Variants in PARD3B observed in about 807,000 individuals in gnomAD.
PARD3B encodes the protein partitioning defective 3 homolog B.
A neutral mutation model predicts 130.2 loss-of-function variants in PARD3B; 103 were observed. The observed-to-expected ratio is 0.79, with a 90% confidence interval of 0.67 to 0.93. The LOEUF (loss-of-function observed/expected upper bound fraction) is 0.93, where lower values mean the gene tolerates loss of function less well. PARD3B is among the 40% of genes least tolerant of loss of function. The probability of loss-of-function intolerance (pLI) is 0.00; values close to 1 mark genes in which losing one functional copy is unlikely to be tolerated. For synonymous variants in PARD3B, 583 were observed against 553.2 expected (o/e 1.05, Z -0.76); for missense variants, 1,609 against 1,499.2 (o/e 1.07, Z -1.21).
chr2:204,611,861 T>G lies in PARD3B; in HGVS notation c.120+65742T>G, dbSNP rs578134986. On this transcript the variant is annotated intron_variant, in intron 1 of 22. Coordinates refer to ENST00000406610, the MANE Select transcript of PARD3B (RefSeq NM_001302769.2). ...ATCTATATCTATATCTATATATATG[T>G]GCAAGCTTGCAGGATATCGCAAAAA... Among the ~76,000 whole-genome samples the G allele has an allele frequency of 2.0e-5, 3 of 150,360 alleles. No homozygotes were observed. In the Admixed American group the frequency reaches 2.0e-4, roughly 10 times the overall value.
chr2:205,520,575 C>T (rs528816341), intron 21 of PARD3B, among the ~76,000 whole-genome samples: 1 of 152,146 alleles, frequency 6.6e-6, no homozygotes, highest in South Asian at 2.1e-4. Flanking sequence ...AATACATGCT[C>T]TAAAATGCTT....
At chr2:204,849,624 A>G (rs975971449) in intron 2 of PARD3B, among the ~76,000 whole-genome samples, 6 of 152,214 alleles carry the variant, frequency 3.9e-5, no homozygotes, top group Non-Finnish European at 8.8e-5. Context: ...GCATTTTCAT[A>G]CATTAGGCCT....
chr2:205,175,750 G>A (rs980042880), intron 12 of PARD3B, among the ~76,000 whole-genome samples: 1 of 152,186 alleles, frequency 6.6e-6, no homozygotes, highest in South Asian at 2.1e-4. Context: ...ATAGTTAAGA[G>A]TTCTCTATCA....
chr2:205,143,448 A>C (rs1429061671), intron 10 of PARD3B, among the ~76,000 whole-genome samples: 1 of 152,212 alleles, frequency 6.6e-6, no homozygotes, highest in Admixed American at 6.5e-5. Flanking sequence ...AGTTCAGGGA[A>C]GAAAGAAGTC....
chr2:205,004,669 T>C (rs1695108951), intron 3 of PARD3B, among the ~76,000 whole-genome samples: 1 of 152,214 alleles, frequency 6.6e-6, no homozygotes. Flanking sequence ...CAATAATATT[T>C]TCATAAATTA....
chr2:205,376,063 G>C (rs1317888117), intron 18 of PARD3B, among the ~76,000 whole-genome samples: 1 of 152,154 alleles, frequency 6.6e-6, no homozygotes, highest in Non-Finnish European at 1.5e-5. Flanking sequence ...TTAATAACAA[G>C]TGTTTACTGA....
At chr2:205,513,955 C>T (rs930660267) in intron 21 of PARD3B, among the ~76,000 whole-genome samples, 2 of 152,090 alleles carry the variant, frequency 1.3e-5, no homozygotes, top group African/African-American at 4.8e-5. Context: ...CTTTTGTCTG[C>T]ATTTAGGGCT....
chr2:204,719,275 C>T (rs999116916), intron 2 of PARD3B, among the ~76,000 whole-genome samples: 3 of 152,112 alleles, frequency 2.0e-5, no homozygotes, highest in South Asian at 2.1e-4. Flanking sequence ...GCAAGGCTAA[C>T]GGAGACTATT....
At chr2:205,090,387 A>T (rs953399778) in intron 4 of PARD3B, among the ~76,000 whole-genome samples, 8 of 152,332 alleles carry the variant, frequency 5.3e-5, no homozygotes, top group African/African-American at 1.9e-4. Context: ...TAACTGCTTC[A>T]TGTATGTTTT....
intron 14 of PARD3B, among the ~76,000 whole-genome samples, chr2:205,191,277 C>T (rs2036385840): frequency 6.6e-6 from 1 of 152,054 alleles, no homozygotes; most frequent in Non-Finnish European, 1.5e-5. Context: ...GTACTTTTCT[C>T]AATATATAAC....
chr2:205,592,893 G>T lies in PARD3B; in HGVS notation c.3261-22563G>T, dbSNP rs1023185386. On this transcript the variant is annotated intron_variant, in intron 22 of 22. Coordinates refer to ENST00000406610, the MANE Select transcript of PARD3B (RefSeq NM_001302769.2). This position sits in a 1 kb window ranked among gnomAD's most constrained non-coding sequence, Gnocchi z 4.5. ...CTTGTCAGAAGCCACACCTGCAGCA[G>T]ATGCCCCATGGCACTGACTCAGCCT... Among the ~76,000 whole-genome samples the T allele has an allele frequency of 5.9e-5, 9 of 152,258 alleles. No homozygotes were observed. Among genetic ancestry groups the T allele is most frequent in the Admixed American group, 2.0e-4 (3 of 15,284 alleles).
chr2:205,009,886 G>C (rs1695578998), intron 3 of PARD3B, among the ~76,000 whole-genome samples: 2 of 152,082 alleles, frequency 1.3e-5, no homozygotes, highest in South Asian at 4.1e-4. Flanking sequence ...TGATCCTTAA[G>C]TTCAGATTAA....
At chr2:205,279,070 CAAAAAAAAAAAAA>C (rs57717513) in intron 16 of PARD3B, among the ~76,000 whole-genome samples, 1 of 38,852 alleles carries the variant, frequency 2.6e-5, no homozygotes, top group African/African-American at 9.7e-5. Context: ...GAATCTGTCT[CAAAAAAAAAAAAA>C]AAAAAAAAAA....
intron 1 of PARD3B, among the ~76,000 whole-genome samples, chr2:204,657,648 C>A (rs1411825461): frequency 6.6e-6 from 1 of 152,112 alleles, no homozygotes; most frequent in South Asian, 2.1e-4. Context: ...ACAAGCCATA[C>A]GTTTTCAGGT....
rs1031599656 is a variant in PARD3B, at chr2:204,967,990, A to G, written c.394+2667A>G. ...ACAGGGTGCTCATGAAATGTCAGCC[A>G]TTGAACCCAGGCCCTTCATCTCCCT... On this transcript the variant is annotated intron_variant, in intron 3 of 22. Coordinates refer to ENST00000406610, the MANE Select transcript of PARD3B (RefSeq NM_001302769.2). The surrounding 1 kb of genome is among the most constrained non-coding windows in gnomAD (Gnocchi z 4.4). Among the ~76,000 whole-genome samples, 9 of 152,134 alleles carry G rather than the reference A, an allele frequency of 5.9e-5. No homozygotes were observed. The highest frequency in any genetic ancestry group is 1.7e-4 in the African/African-American group (7 of 41,422).
At chr2:205,499,422 A>G (rs1017159351) in intron 20 of PARD3B, among the ~76,000 whole-genome samples, 4 of 151,176 alleles carry the variant, frequency 2.6e-5, no homozygotes, top group African/African-American at 9.7e-5. Flanking sequence ...CCCATCCCCA[A>G]CCCCCACTCC....
intron 2 of PARD3B, among the ~76,000 whole-genome samples, chr2:204,844,606 T>C (rs2044390333): frequency 6.6e-6 from 1 of 152,148 alleles, no homozygotes; most frequent in Admixed American, 6.5e-5. Flanking sequence ...CTGGGTGTTA[T>C]ATATTTTTAC....
At chr2:205,034,360 A>G (rs1049941371) in intron 3 of PARD3B, among the ~76,000 whole-genome samples, 5 of 152,116 alleles carry the variant, frequency 3.3e-5, no homozygotes, top group African/African-American at 1.2e-4. Context: ...TTGTTTGACA[A>G]CTTGTTTTAT....
In PARD3B at chr2:204,998,430, A is replaced by AT. The variant is rs1360454812; in HGVS notation, c.394+33108dup. Among the ~76,000 whole-genome samples, 177 of 26,946 alleles carry AT rather than the reference A, an allele frequency of 6.6e-3. No individual in the cohort carries two copies. The East Asian group carries it at 0.091, about 14-fold the overall frequency. 17.7% of individuals were successfully genotyped at this position (26,946 alleles called of 152,430 possible). A position where few individuals can be genotyped will look rare whatever the true frequency, so the allele number is the denominator to read the frequency against. ...TGTATATATATGTATATATGTGTAT[A>AT]TATATGTGTGTGTATATATATGTGT... is the stretch of plus-strand genomic sequence containing the variant. On this transcript the variant is annotated intron_variant, in intron 3 of 22. Coordinates refer to ENST00000406610, the MANE Select transcript of PARD3B (RefSeq NM_001302769.2).
Sources: gnomAD v4.1 joint callset for allele counts (sites outside exome capture counted in the v4.1 genomes callset) on GRCh38, gnomAD v4.1.1 for gene constraint, Gnocchi (gnomAD v3.1) non-coding constraint, MANE v1.5 for transcripts, NCBI Gene and HGNC (gene_info 2026-07-23, HGNC 2026-07-21) for gene names.